The following SPAG9 variants were observed in gnomAD, a reference collection of about 807,000 sequenced individuals.
SPAG9 encodes the protein C-Jun-amino-terminal kinase-interacting protein 4.
In SPAG9, 35 loss-of-function variants were observed where a neutral mutation model predicts 166.5. That is an observed-to-expected ratio of 0.21 (90% CI 0.16 to 0.28). The LOEUF (loss-of-function observed/expected upper bound fraction) is 0.28. Among genes scored for constraint, SPAG9 ranks in the 10% least tolerant of loss-of-function variants. SPAG9 has a pLI of 1.00. For missense variants in SPAG9, 1,235 were observed against 1,603.3 expected, an observed-to-expected ratio of 0.77 and a Z score of 3.92; for synonymous variants, 534 against 565.5, an observed-to-expected ratio of 0.94 and a Z score of 0.79.
chr17:51,007,063 A>G (rs944665014), intron 10 of SPAG9, among the ~76,000 whole-genome samples: 8 of 152,100 alleles, frequency 5.3e-5, no homozygotes, highest in Non-Finnish European at 1.2e-4. Flanking sequence ...ACAAAAAAAC[A>G]GGGCAAGGGA....
At chr17:51,031,928 C>A (rs2046399470) in intron 5 of SPAG9, 1 of 670,218 alleles carries the variant, frequency 1.5e-6, no homozygotes, top group Non-Finnish European at 2.7e-6. Context: ...GGTTCAGAAG[C>A]CACCACTTGG....
chr17:50,976,983 A>C (rs553499363), intron 27 of SPAG9, 125 bp downstream of exon 27: 52 of 621,596 alleles, frequency 8.4e-5, no homozygotes, highest in South Asian at 7.6e-4. Context: ...CATTGAGTGA[A>C]GTAACTATAG....
At chr17:51,081,864 A>G (rs935477019) in intron 1 of SPAG9, among the ~76,000 whole-genome samples, 1 of 152,042 alleles carries the variant, frequency 6.6e-6, no homozygotes, top group African/African-American at 2.4e-5. Flanking sequence ...CTTCTTTGAC[A>G]TCATCCCCTA....
chr17:51,072,615 C>T (rs2047853936), intron 2 of SPAG9, among the ~76,000 whole-genome samples: 1 of 151,704 alleles, frequency 6.6e-6, no homozygotes, highest in South Asian at 2.1e-4. Flanking sequence ...ACCTGGGAGG[C>T]GGAAGTTGCA....
intron 15 of SPAG9, among the ~76,000 whole-genome samples, chr17:50,997,860 C>G (rs548656827): frequency 6.6e-6 from 1 of 151,852 alleles, no homozygotes; most frequent in African/African-American, 2.4e-5. Flanking sequence ...CCTCTAAAGG[C>G]CATTCACATT....
At chr17:51,048,944 T>A (rs536282320) in intron 3 of SPAG9, among the ~76,000 whole-genome samples, 38 of 152,302 alleles carry the variant, frequency 2.5e-4, no homozygotes, top group African/African-American at 9.1e-4. Flanking sequence ...GAAATACACC[T>A]TTCATCTATC....
In SPAG9 at chr17:51,111,558, T is replaced by C. The variant is rs140582525; in HGVS notation, c.303+8796A>G. ...CTACTAATCTACCCTCTGAACCAGT[T>C]TGGTACTATACCCAGTTTGGTGTCC... On this transcript the variant is annotated intron_variant, in intron 1 of 29. Coordinates refer to ENST00000262013, the MANE Select transcript of SPAG9 (RefSeq NM_001130528.3). Among the ~76,000 whole-genome samples the C allele has an allele frequency of 1.8e-3, 273 of 152,278 alleles. 1 individual carries two copies. The highest frequency in any genetic ancestry group is 3.4e-3 in the Non-Finnish European group (233 of 68,020).
intron 13 of SPAG9, among the ~76,000 whole-genome samples, chr17:51,001,172 G>A (rs189380036): frequency 6.6e-6 from 1 of 152,300 alleles, no homozygotes; most frequent in Admixed American, 6.5e-5. Context: ...TTAGGGGGCA[G>A]CTCATTTACA....
At chr17:51,099,787 A>AC (rs1455119917) in intron 1 of SPAG9, among the ~76,000 whole-genome samples, 2 of 150,576 alleles carry the variant, frequency 1.3e-5, no homozygotes, top group Admixed American at 6.6e-5. Flanking sequence ...AAAAAAAAAA[A>AC]AACTAGAAAT....
intron 29 of SPAG9, among the ~76,000 whole-genome samples, chr17:50,970,461 T>C (rs1394708937): frequency 1.4e-5 from 2 of 143,094 alleles, no homozygotes; most frequent in East Asian, 4.1e-4. Flanking sequence ...TGCAGTGAGC[T>C]GAGATCATGC....
intron 1 of SPAG9, chr17:51,085,522 T>A (rs926187752): frequency 6.6e-6 from 1 of 152,206 alleles, no homozygotes; most frequent in Non-Finnish European, 1.5e-5. Context: ...TTTTTTTAAG[T>A]GATGTGACAG....
intron 1 of SPAG9, among the ~76,000 whole-genome samples, chr17:51,082,840 G>A (rs1245580742): frequency 1.3e-5 from 2 of 151,988 alleles, no homozygotes; most frequent in Non-Finnish European, 2.9e-5. Flanking sequence ...CACACATTAC[G>A]TTCCTTTGGG....
chr17:51,080,419 C>T (rs2144642429), intron 1 of SPAG9, among the ~76,000 whole-genome samples: 1 of 152,074 alleles, frequency 6.6e-6, no homozygotes, highest in Admixed American at 6.6e-5. Context: ...CGTCCTTGGA[C>T]ACATCTTCTC....
intron 25 of SPAG9, among the ~76,000 whole-genome samples, chr17:50,981,147 G>A (rs892053916): frequency 9.9e-5 from 14 of 141,454 alleles, no homozygotes; most frequent in Admixed American, 2.1e-4. Context: ...TTTAAGTGCC[G>A]ATATGATACC....
At chr17:50,971,490 T>TG (rs1973810810) in intron 28 of SPAG9, among the ~76,000 whole-genome samples, 1 of 120,220 alleles carries the variant, frequency 8.3e-6, no homozygotes, top group Admixed American at 1.0e-4. Flanking sequence ...TTTTTTGAGA[T>TG]GGAGTCTTGC....
chr17:50,975,422 A>C, intron 27 of SPAG9: 1 of 202,902 alleles, frequency 4.9e-6, no homozygotes, highest in East Asian at 1.6e-4. Flanking sequence ...AGTTGTGCTT[A>C]CAAGAATCCA....
At chr17:51,010,184 C>T (rs2045407641) in intron 9 of SPAG9, among the ~76,000 whole-genome samples, 1 of 152,102 alleles carries the variant, frequency 6.6e-6, no homozygotes, top group Non-Finnish European at 1.5e-5. Context: ...TGAGAAGATG[C>T]ACAATTTTAT....
intron 1 of SPAG9, among the ~76,000 whole-genome samples, chr17:51,083,456 C>T (rs771833939): frequency 1.3e-5 from 2 of 151,642 alleles, no homozygotes; most frequent in Non-Finnish European, 2.9e-5. Context: ...GGGCCAGTCT[C>T]GAACTCCTGA....
chr17:51,068,346 A>G (rs1216931868), intron 2 of SPAG9, among the ~76,000 whole-genome samples: 1 of 152,244 alleles, frequency 6.6e-6, no homozygotes, highest in Non-Finnish European at 1.5e-5. Context: ...TTATTAATCA[A>G]TGACACAATG....
Sources: allele counts gnomAD v4.1 joint callset (sites outside exome capture counted in the v4.1 genomes callset), GRCh38; gene constraint gnomAD v4.1.1; transcripts MANE v1.5; gene names NCBI Gene and HGNC (gene_info 2026-07-23, HGNC 2026-07-21).